The following LRRC37A2 variants were observed in gnomAD, a reference collection of about 807,000 sequenced individuals.
LRRC37A2 encodes leucine-rich repeat-containing protein 37A2.
LRRC37A2 carries 9 observed loss-of-function variants against 68.8 expected under a neutral mutation model. That is an observed-to-expected ratio of 0.13 (90% CI 0.08 to 0.23). LRRC37A2 has a LOEUF of 0.23. Among genes scored for constraint, LRRC37A2 ranks in the 10% least tolerant of loss-of-function variants. LRRC37A2 has a pLI of 1.00. For missense variants in LRRC37A2, 168 were observed against 950.4 expected, an observed-to-expected ratio of 0.18 and a Z score of 10.82; for synonymous variants, 63 against 367.6, an observed-to-expected ratio of 0.17 and a Z score of 9.48.
the LRRC37A2 span, among the ~76,000 whole-genome samples, chr17:46,922,565 T>C: frequency 3.9e-5 from 6 of 152,210 alleles, no homozygotes; most frequent in Non-Finnish European, 7.3e-5. Flanking sequence ...CATATCTTAT[T>C]TCCTTTCCCA....
the LRRC37A2 span, among the ~76,000 whole-genome samples, chr17:47,028,083 G>C: frequency 6.6e-6 from 1 of 152,344 alleles, no homozygotes; most frequent in Middle Eastern, 3.4e-3. Flanking sequence ...AGCATTCACT[G>C]TTTTGTATCT....
the LRRC37A2 span, among the ~76,000 whole-genome samples, chr17:46,905,763 C>T: frequency 6.0e-5 from 9 of 149,584 alleles, no homozygotes; most frequent in African/African-American, 2.2e-4. Flanking sequence ...GTTGCTTTAC[C>T]CCTGTACTCT....
the LRRC37A2 span, among the ~76,000 whole-genome samples, chr17:46,810,051 G>A: frequency 7.0e-6 from 1 of 143,406 alleles, no homozygotes; most frequent in African/African-American, 2.6e-5. Context: ...TTGTTGCCCA[G>A]GCTGGAAGGC....
the LRRC37A2 span, among the ~76,000 whole-genome samples, chr17:46,816,880 G>C: frequency 2.0e-5 from 3 of 152,330 alleles, no homozygotes; most frequent in East Asian, 5.8e-4. Flanking sequence ...AGAGGGTCAG[G>C]AATGGCCGGG....
At chr17:47,018,967 C>A in the LRRC37A2 span, 10 of 1,519,556 alleles carry the variant, frequency 6.6e-6, no homozygotes, top group South Asian at 1.1e-4. Flanking sequence ...ACAAATCCAA[C>A]ACCAGGTCAG....
chr17:46,957,348 C>CATG, the LRRC37A2 span, among the ~76,000 whole-genome samples: 6 of 152,192 alleles, frequency 3.9e-5, no homozygotes, highest in African/African-American at 1.2e-4. Flanking sequence ...CGCTGTGGCT[C>CATG]ACGCCTGTAT....
At chr17:46,932,230 G>A in the LRRC37A2 span, 1 of 1,613,182 alleles carries the variant, frequency 6.2e-7, no homozygotes, top group Non-Finnish European at 8.5e-7. Context: ...GGGTCGGCCT[G>A]CACTTGACAG....
At chr17:46,831,034 T>A in the LRRC37A2 span, 1 of 331,276 alleles carries the variant, frequency 3.0e-6, no homozygotes. Context: ...CAGTTGACGT[T>A]ATTAAGAACA....
the LRRC37A2 span, among the ~76,000 whole-genome samples, chr17:46,708,826 T>A: frequency 0.31 from 18,793 of 60,754 alleles, 1,440 homozygotes; most frequent in South Asian, 0.51. Flanking sequence ...ATATATATTT[T>A]TTTTTTTTTT....
At chr17:46,915,551 A>G in the LRRC37A2 span, among the ~76,000 whole-genome samples, 8 of 152,208 alleles carry the variant, frequency 5.3e-5, no homozygotes, top group Middle Eastern at 3.2e-3. Flanking sequence ...GATCATCTCT[A>G]TTTTATTACA....
the LRRC37A2 span, among the ~76,000 whole-genome samples, chr17:46,947,733 G>T: frequency 6.6e-6 from 1 of 152,146 alleles, no homozygotes. Context: ...GGTAGCAAAA[G>T]TGCCTGTATT....
the LRRC37A2 span, among the ~76,000 whole-genome samples, chr17:46,743,704 G>T: frequency 2.6e-5 from 4 of 152,150 alleles, no homozygotes; most frequent in African/African-American, 9.7e-5. Flanking sequence ...TCTTACAACT[G>T]GCCTGTCCTT....
the LRRC37A2 span, among the ~76,000 whole-genome samples, chr17:46,903,210 G>A: frequency 6.6e-6 from 1 of 152,022 alleles, no homozygotes; most frequent in Admixed American, 6.6e-5. Context: ...GAACCCGGGA[G>A]GTGGAGGTTG....
At chr17:46,907,731 G>T in the LRRC37A2 span, among the ~76,000 whole-genome samples, 1 of 150,714 alleles carries the variant, frequency 6.6e-6, no homozygotes, top group African/African-American at 2.4e-5. Flanking sequence ...GTGTGCCTGT[G>T]GTCCCAGCTA....
At chr17:46,850,872 C>G in the LRRC37A2 span, among the ~76,000 whole-genome samples, 2 of 152,108 alleles carry the variant, frequency 1.3e-5, no homozygotes, top group Admixed American at 1.3e-4. Context: ...CCACTGTCCA[C>G]TTTGGATTTC....
the LRRC37A2 span, among the ~76,000 whole-genome samples, chr17:46,716,162 AAAGATGCT>A: frequency 6.6e-6 from 1 of 152,198 alleles, no homozygotes; most frequent in African/African-American, 2.4e-5. Context: ...AAACCAGTCT[AAAGATGCT>A]AAGTCTTCCA....
At chr17:46,997,778 T>C in the LRRC37A2 span, among the ~76,000 whole-genome samples, 1 of 152,178 alleles carries the variant, frequency 6.6e-6, no homozygotes, top group Non-Finnish European at 1.5e-5. Flanking sequence ...GAGACCAGCC[T>C]GGCCCAGATG....
At chr17:46,728,753 G>A in the LRRC37A2 span, 13 of 687,862 alleles carry the variant, frequency 1.9e-5, no homozygotes, top group Admixed American at 3.4e-4. Context: ...CTTATGTAGG[G>A]ACTGTGTTTA....
the LRRC37A2 span, among the ~76,000 whole-genome samples, chr17:46,908,469 A>G: frequency 6.6e-6 from 1 of 152,140 alleles, no homozygotes; most frequent in East Asian, 1.9e-4. Flanking sequence ...GAGAACCGGC[A>G]TCGGTCTGGC....
Sources: gnomAD v4.1 joint callset for allele counts (sites outside exome capture counted in the v4.1 genomes callset) on GRCh38, gnomAD v4.1.1 for gene constraint, MANE v1.5 for transcripts, NCBI Gene and HGNC (gene_info 2026-07-23, HGNC 2026-07-21) for gene names.